MTPN: variants seen among roughly 807,000 people sequenced by gnomAD.
The protein encoded by MTPN is myotrophin.
A neutral mutation model predicts 13.5 loss-of-function variants in MTPN; 2 were observed. The ratio of observed to expected loss-of-function variants is 0.15; its 90% CI spans 0.06 to 0.47. The LOEUF (loss-of-function observed/expected upper bound fraction) is 0.47. Ranked by LOEUF, MTPN falls within the 20% of genes least tolerant of loss-of-function variation. MTPN has a pLI of 0.97. For synonymous variants in MTPN, 46 were observed against 51.7 expected (o/e 0.89, Z 0.48); for missense variants, 79 against 137.9 (o/e 0.57, Z 2.14).
intron 2 of MTPN, among the ~76,000 whole-genome samples, chr7:135,951,072 G>A (rs548768891): frequency 1.7e-4 from 26 of 152,292 alleles, no homozygotes; most frequent in African/African-American, 6.3e-4. Flanking sequence ...CGGGTAGCAT[G>A]GCATCCCCTG....
rs1798931280 is a variant in MTPN at position 135,927,088 on chromosome 7, G to T, written c.*2838C>A. The stretch of plus-strand genomic sequence containing the variant: ...TCACCAGCTTCTTCTATACACAATT[G>T]AGTATACAATATTGCATGGAAGAAA... On this transcript the variant is annotated 3_prime_UTR_variant, in exon 4 of 4. Transcript: ENST00000393085. The T allele has an allele frequency of 4.9e-6, 2 of 409,980 alleles. No homozygotes were observed. Among genetic ancestry groups the T allele is most frequent in the Non-Finnish European group, 8.5e-6 (2 of 234,436 alleles). The allele number at this position is 409,980 out of a possible 1,614,324, so 25.4% of individuals were successfully genotyped here. A position where few individuals can be genotyped will look rare whatever the true frequency, so the allele number is the denominator to read the frequency against.
In MTPN at chr7:135,929,876, G is replaced by C; in HGVS notation, c.*50C>G. ...GAGTGACAGACAGACAGGCAGCAGTGTGAGGCCACAGGAGAGTCATTCTTC... is the reference window on the plus strand; with the variant it reads ...GAGTGACAGACAGACAGGCAGCAGTCTGAGGCCACAGGAGAGTCATTCTTC... On this transcript the variant is annotated 3_prime_UTR_variant, in exon 4 of 4. Transcript: ENST00000393085. 1 of 1,555,174 alleles carries C rather than the reference G, an allele frequency of 6.4e-7. No individual in the cohort carries two copies. Among genetic ancestry groups the C allele is most frequent in the African/African-American group, 1.4e-5 (1 of 73,850 alleles).
At chr7:135,958,402 G>A (rs1480676548) in intron 1 of MTPN, among the ~76,000 whole-genome samples, 1 of 152,114 alleles carries the variant, frequency 6.6e-6, no homozygotes, top group Non-Finnish European at 1.5e-5. Context: ...ACTTCACAAA[G>A]TGGTATTTTT....
chr7:135,934,096 T>A (rs1799074335), intron 3 of MTPN, among the ~76,000 whole-genome samples: 1 of 152,198 alleles, frequency 6.6e-6, no homozygotes. Context: ...CTTCTCTTCA[T>A]AAATCACTCA....
intron 1 of MTPN, among the ~76,000 whole-genome samples, chr7:135,953,862 A>G (rs558403080): frequency 1.3e-5 from 2 of 152,318 alleles, no homozygotes; most frequent in South Asian, 4.1e-4. Flanking sequence ...ATTCAAAGCA[A>G]TAATTTCTAA....
At chr7:135,930,103 C>A in intron 3 of MTPN, 91 bp from the exon 4 acceptor site, 1 of 1,110,842 alleles carries the variant, frequency 9.0e-7, no homozygotes, top group African/African-American at 1.5e-5. Context: ...TTAATGTTTA[C>A]ATCAAGAATT....
At chr7:135,972,221 GCACGCGCGCGCACACACACACACACA>G (rs1799705635) in intron 1 of MTPN, among the ~76,000 whole-genome samples, 1 of 96,224 alleles carries the variant, frequency 1.0e-5, no homozygotes, top group African/African-American at 4.0e-5. Context: ...GCGCACACGC[GCACGCGCGCGCACACACACACACACA>G]CACACACACA....
At chr7:135,961,334 T>C (rs912129887) in intron 1 of MTPN, among the ~76,000 whole-genome samples, 6 of 151,864 alleles carry the variant, frequency 4.0e-5, no homozygotes, top group African/African-American at 1.2e-4. Context: ...CTCCCAAAAA[T>C]AGTTTTAGAA....
At chr7:135,971,695 A>G (rs1273304010) in intron 1 of MTPN, among the ~76,000 whole-genome samples, 1 of 152,214 alleles carries the variant, frequency 6.6e-6, no homozygotes, top group African/African-American at 2.4e-5. Flanking sequence ...AAATGAAATA[A>G]TACCTGTATA....
intron 3 of MTPN, among the ~76,000 whole-genome samples, chr7:135,943,487 C>T (rs1235977789): frequency 6.6e-6 from 1 of 152,148 alleles, no homozygotes; most frequent in African/African-American, 2.4e-5. Flanking sequence ...TTATCAAAAA[C>T]ATGAATGTTA....
Position 135,927,873 on chromosome 7 carries a change from G to A in MTPN, c.*2053C>T. 1 of 349,878 alleles carries A rather than the reference G, an allele frequency of 2.9e-6. No individual in the cohort carries two copies. 21.7% of individuals were successfully genotyped at this position (349,878 alleles called of 1,614,324 possible). A position where few individuals can be genotyped will look rare whatever the true frequency, so the allele number is the denominator to read the frequency against. On this transcript the variant is annotated 3_prime_UTR_variant, in exon 4 of 4. Coordinates refer to ENST00000393085, the MANE Select transcript of MTPN (RefSeq NM_145808.4). ...GAATGTAGAAAGCAGACCAGGTTTA[G>A]GAATGATAGGACAATGCACTCTCTG...
intron 3 of MTPN, among the ~76,000 whole-genome samples, chr7:135,945,721 A>C (rs868371153): frequency 6.6e-6 from 1 of 152,158 alleles, no homozygotes; most frequent in Non-Finnish European, 1.5e-5. Context: ...TTTTTTAATA[A>C]GTAGAAGAAA....
chr7:135,931,459 T>C (rs572731666), intron 3 of MTPN, among the ~76,000 whole-genome samples: 9 of 152,224 alleles, frequency 5.9e-5, no homozygotes, highest in African/African-American at 2.2e-4. Context: ...AAGTGTTAAA[T>C]GATCACAAAG....
At chr7:135,966,827 G>C (rs920028005) in intron 1 of MTPN, among the ~76,000 whole-genome samples, 1 of 152,302 alleles carries the variant, frequency 6.6e-6, no homozygotes, top group Middle Eastern at 3.4e-3. Context: ...GTGAGCACCA[G>C]ACCTTGCCTT....
chr7:135,951,814 T>C (rs1019948880), intron 1 of MTPN, among the ~76,000 whole-genome samples, 184 bp from the exon 2 acceptor site: 1 of 152,272 alleles, frequency 6.6e-6, no homozygotes, highest in Admixed American at 6.5e-5. Context: ...ACATACAGTA[T>C]GATGGAAATT....
chr7:135,962,077 T>C (rs1271206830), intron 1 of MTPN, among the ~76,000 whole-genome samples: 1 of 152,074 alleles, frequency 6.6e-6, no homozygotes, highest in African/African-American at 2.4e-5. Context: ...TATCAAACTT[T>C]GTACTCTATG....
intron 3 of MTPN, among the ~76,000 whole-genome samples, chr7:135,941,826 C>A (rs998639725): frequency 6.6e-6 from 1 of 151,008 alleles, no homozygotes; most frequent in Admixed American, 6.6e-5. Context: ...AAAGCACAAA[C>A]GAGCCTTCAA....
At chr7:135,932,246 A>G (rs1799034829) in intron 3 of MTPN, 2 of 152,242 alleles carry the variant, frequency 1.3e-5, no homozygotes, top group South Asian at 2.1e-4. Flanking sequence ...AAGAGAATAT[A>G]AGAAGTTAGA....
intron 1 of MTPN, among the ~76,000 whole-genome samples, chr7:135,965,977 T>C (rs370095216): frequency 6.6e-6 from 1 of 152,008 alleles, no homozygotes; most frequent in African/African-American, 2.4e-5. Flanking sequence ...ACAAAGATAA[T>C]TGCTACCTTC....
Sources: allele counts gnomAD v4.1 joint callset (sites outside exome capture counted in the v4.1 genomes callset), GRCh38; gene constraint gnomAD v4.1.1; transcripts MANE v1.5; gene names NCBI Gene and HGNC (gene_info 2026-07-23, HGNC 2026-07-21).